PTPN21: variants seen among roughly 807,000 people sequenced by gnomAD.
The protein encoded by PTPN21 is protein tyrosine phosphatase non-receptor type 21, also known as tyrosine-protein phosphatase non-receptor type 21.
A neutral mutation model predicts 131.8 loss-of-function variants in PTPN21; 77 were observed. That is an observed-to-expected ratio of 0.58 (90% CI 0.49 to 0.71). The LOEUF is 0.71. PTPN21 is among the 30% of genes least tolerant of loss of function. The pLI is 0.00. For synonymous variants in PTPN21, 715 were observed against 621.3 expected (o/e 1.15, Z -2.24); for missense variants, 1,552 against 1,527.1 (o/e 1.02, Z -0.27).
chr14:88,479,888 T>C lies in PTPN21; in HGVS notation c.1543A>G (p.Ser515Gly). The change falls in exon 13 of 19, where the codon AGC (serine) becomes GGC (glycine). Residue 515 changes from serine to glycine, a missense_variant. By Grantham distance (56) the Ser-to-Gly change is moderately conservative. Transcript: ENST00000556564. ...GGAGACGGGCTGTGGAAGCTGTAGC[T>C]CAGGCTGAACGGGCAGTGTGCGGCC... Reference protein sequence around the residue: ...PAAAHCPFSLSYSFHSPSPYP... With the variant: ...PAAAHCPFSLGYSFHSPSPYP... The C allele has an allele frequency of 1.3e-6, 2 of 1,589,974 alleles. No homozygotes were observed. The highest frequency in any genetic ancestry group is 1.7e-6 in the Non-Finnish European group (2 of 1,172,346).
At chr14:88,526,575 A>AAAAAG (rs57141067) in intron 2 of PTPN21, among the ~76,000 whole-genome samples, 7 of 132,118 alleles carry the variant, frequency 5.3e-5, no homozygotes, top group Non-Finnish European at 8.2e-5. Context: ...AAAAAAAAAA[A>AAAAAG]GGTTAGTTGT....
chr14:88,506,682 G>A (rs139823224), intron 4 of PTPN21, among the ~76,000 whole-genome samples: 1 of 152,200 alleles, frequency 6.6e-6, no homozygotes, highest in African/African-American at 2.4e-5. Context: ...TATACATGGG[G>A]TACAGGGTAC....
intron 2 of PTPN21, 111 bp from the exon 3 acceptor site, chr14:88,517,372 C>T (rs979972374): frequency 5.0e-6 from 6 of 1,200,408 alleles, no homozygotes; most frequent in Non-Finnish European, 7.0e-6. Flanking sequence ...CTCTTATTGC[C>T]TTTCTTCTCA....
chr14:88,548,952 T>G (rs2078821113), intron 2 of PTPN21, among the ~76,000 whole-genome samples: 1 of 152,158 alleles, frequency 6.6e-6, no homozygotes, highest in Non-Finnish European at 1.5e-5. Flanking sequence ...ACTCTGAGAA[T>G]TAGGTGTCAC....
intron 2 of PTPN21, among the ~76,000 whole-genome samples, chr14:88,544,861 TCTGTCGCCCAGG>T (rs2078753536): frequency 6.6e-6 from 1 of 152,124 alleles, no homozygotes; most frequent in African/African-American, 2.4e-5. Context: ...AGAGTCTCAC[TCTGTCGCCCAGG>T]CTGGAGTACA....
chr14:88,486,328 TG>T (rs2077732868), intron 10 of PTPN21, among the ~76,000 whole-genome samples: 2 of 152,296 alleles, frequency 1.3e-5, no homozygotes, highest in South Asian at 4.1e-4. Flanking sequence ...CAGTAAGAAC[TG>T]CCTTTAATTA....
In PTPN21 at chr14:88,528,311, T is replaced by C. The variant is rs185016728; in HGVS notation, c.181-11050A>G. Reference sequence around the variant, plus strand: ...GATGTGTTTCTATTTGTTTCTGTTATCTATGATTTCTTTCAGCAGTGTTTT... The same window carrying C: ...GATGTGTTTCTATTTGTTTCTGTTACCTATGATTTCTTTCAGCAGTGTTTT... On this transcript the variant is annotated intron_variant, in intron 2 of 18. Transcript: ENST00000556564. Among the ~76,000 whole-genome samples, 162 of 152,342 alleles carry C rather than the reference T, an allele frequency of 1.1e-3. 2 individuals are homozygous for C. In the East Asian group the frequency reaches 0.023, roughly 22 times the overall value.
Position 88,480,125 on chromosome 14 carries a change from G to C in PTPN21, c.1306C>G (p.Arg436Gly). The C allele has an allele frequency of 6.2e-7, 1 of 1,614,142 alleles. No homozygotes were observed. The highest frequency in any genetic ancestry group is 8.5e-7 in the Non-Finnish European group (1 of 1,180,000). The change falls in exon 13 of 19, where the codon CGG becomes GGG. Residue 436 changes from arginine to glycine, a missense_variant. Coordinates refer to ENST00000556564, the MANE Select transcript of PTPN21 (RefSeq NM_007039.4). ...VMRPDYLPSH[R>G]HSAVIPPSYR... ...GACGGGGGTATCACGGCGCTGTGCCGATGGGACGGGAGGTAGTCAGGCCTC... is the reference window on the plus strand; with the variant it reads ...GACGGGGGTATCACGGCGCTGTGCCCATGGGACGGGAGGTAGTCAGGCCTC...
At position 88,484,047 on chromosome 14, in the gene PTPN21, G is replaced by GTTT. The variant is rs57042782; in HGVS notation, c.1078+1026_1078+1028dup. Among the ~76,000 whole-genome samples the GTTT allele has an allele frequency of 2.7e-4, 39 of 143,716 alleles. 1 individual carries two copies. In the Middle Eastern group the frequency reaches 0.011, roughly 40 times the overall value. The allele number at this position is 143,716 out of a possible 152,430, so 94.3% of individuals were successfully genotyped here. A position where few individuals can be genotyped will look rare whatever the true frequency, so the allele number is the denominator to read the frequency against. On this transcript the variant is annotated intron_variant, in intron 12 of 18. Coordinates refer to ENST00000556564, the MANE Select transcript of PTPN21 (RefSeq NM_007039.4). ...ATCTTAAACTATTAGATTCTAAGGT[G>GTTT]TTTTTTTTTTTTTTGAGATAGTCTC... is the stretch of plus-strand genomic sequence containing the variant.
Position 88,479,584 on chromosome 14 carries a change from G to T in PTPN21, c.1847C>A (p.Ser616Ter), listed in dbSNP as rs1156765221. 3 of 1,593,148 alleles carry T rather than the reference G, an allele frequency of 1.9e-6. No homozygotes were observed. Among genetic ancestry groups the T allele is most frequent in the African/African-American group, 2.7e-5 (2 of 74,604 alleles). The change falls in exon 13 of 19, where the codon TCG becomes TAG. Residue 616 changes from serine to a stop codon, truncating the protein, a stop_gained. Transcript: ENST00000556564. LOFTEE classifies it high-confidence loss of function. Reference protein sequence around the residue: ...FQEDSLPVAHSLQEVSEPLTA... With the variant: ...FQEDSLPVAH ...GAGGGGCTCGCTGACCTCCTGCAGC[G>T]AGTGCGCCACGGGCAGGCTGTCCTC... is the stretch of plus-strand genomic sequence containing the variant.
chr14:88,498,948 G>T (rs548299726), intron 8 of PTPN21, among the ~76,000 whole-genome samples: 48 of 151,976 alleles, frequency 3.2e-4, no homozygotes, highest in Non-Finnish European at 5.0e-4. Context: ...AACTTAGTAC[G>T]GATTCCGTTG....
intron 5 of PTPN21, 77 bp downstream of exon 5, chr14:88,505,227 A>G (rs2078069633): frequency 1.7e-6 from 2 of 1,170,588 alleles, no homozygotes; most frequent in Admixed American, 4.2e-5. Context: ...TATCATACGG[A>G]TTTCATTTCA....
chr14:88,537,495 T>C (rs984289022), intron 2 of PTPN21, among the ~76,000 whole-genome samples: 2 of 152,172 alleles, frequency 1.3e-5, no homozygotes, highest in Non-Finnish European at 2.9e-5. Context: ...GAATACCTAC[T>C]ACATGTCAAT....
chr14:88,527,416 A>G (rs2078495540), intron 2 of PTPN21, among the ~76,000 whole-genome samples: 2 of 152,156 alleles, frequency 1.3e-5, no homozygotes, highest in Admixed American at 1.3e-4. Context: ...GTGATGTTGA[A>G]CAGTTTTCCA....
intron 2 of PTPN21, among the ~76,000 whole-genome samples, chr14:88,542,996 T>C (rs1488032767): frequency 2.6e-5 from 4 of 152,212 alleles, no homozygotes; most frequent in Non-Finnish European, 5.9e-5. Context: ...ACTTTACATA[T>C]ATATCAGCTA....
At chr14:88,484,610 A>G (rs182907109) in intron 12 of PTPN21, among the ~76,000 whole-genome samples, 1 of 152,348 alleles carries the variant, frequency 6.6e-6, no homozygotes, top group East Asian at 1.9e-4. Flanking sequence ...CCAGTGGAGC[A>G]TCAAAATTTG....
intron 2 of PTPN21, among the ~76,000 whole-genome samples, chr14:88,533,073 CCAAGAAATAACTTATTTT>C (rs1180422867): frequency 1.3e-5 from 2 of 151,828 alleles, no homozygotes; most frequent in African/African-American, 2.4e-5. Context: ...TAACTTATTT[CCAAGAAATAACTTATTTT>C]CCAAAAATAA....
intron 15 of PTPN21, 120 bp downstream of exon 15, chr14:88,472,124 T>A (rs1049861203): frequency 3.1e-6 from 2 of 654,328 alleles, no homozygotes; most frequent in East Asian, 2.7e-5. Context: ...TCTAAAACAA[T>A]ACAATAAAAA....
chr14:88,483,639 C>A (rs2077686412), intron 12 of PTPN21, among the ~76,000 whole-genome samples: 1 of 152,286 alleles, frequency 6.6e-6, no homozygotes, highest in African/African-American at 2.4e-5. Context: ...TCCAAACACA[C>A]CCTGCTTCAT....
Sources: allele counts gnomAD v4.1 joint callset (sites outside exome capture counted in the v4.1 genomes callset), GRCh38; gene constraint gnomAD v4.1.1; transcripts MANE v1.5; gene names NCBI Gene and HGNC (gene_info 2026-07-23, HGNC 2026-07-21).